Variants in SUMF1 observed in about 807,000 individuals in gnomAD.
SUMF1 encodes formylglycine-generating enzyme.
In SUMF1, 48 loss-of-function variants were observed where a neutral mutation model predicts 47.6. The observed-to-expected ratio is 1.01, with a 90% CI of 0.80 to 1.28. The LOEUF (loss-of-function observed/expected upper bound fraction) is 1.28, where lower values mean the gene tolerates loss of function less well. Among genes scored for constraint, SUMF1 ranks in the 50% most tolerant of loss-of-function variants. The pLI, the probability that SUMF1 is intolerant of heterozygous loss-of-function variation, is 0.00. For synonymous variants in SUMF1, 230 were observed against 192.1 expected (o/e 1.20, Z -1.63); for missense variants, 571 against 485.4 (o/e 1.18, Z -1.66).
intron 8 of SUMF1, among the ~76,000 whole-genome samples, chr3:4,206,437 T>G (rs974569762): frequency 6.6e-6 from 1 of 152,156 alleles, no homozygotes; most frequent in Admixed American, 6.5e-5. Flanking sequence ...GTCTAAATAC[T>G]GCCTCTGTGG....
At chr3:4,266,922 T>G (rs1256970725) in intron 8 of SUMF1, among the ~76,000 whole-genome samples, 1 of 150,740 alleles carries the variant, frequency 6.6e-6, no homozygotes, top group Non-Finnish European at 1.5e-5. Flanking sequence ...TTATTGAGAG[T>G]TTTTAGCATG....
At chr3:4,040,036 A>G (rs1446375468) in intron 9 of SUMF1, among the ~76,000 whole-genome samples, 1 of 152,160 alleles carries the variant, frequency 6.6e-6, no homozygotes, top group Non-Finnish European at 1.5e-5. Flanking sequence ...AATGTTTTGT[A>G]TACTTGAAAA....
intron 3 of SUMF1, among the ~76,000 whole-genome samples, chr3:4,427,442 A>C (rs1188219059): frequency 6.6e-6 from 1 of 152,246 alleles, no homozygotes; most frequent in Non-Finnish European, 1.5e-5. Context: ...AAGAGCACAC[A>C]GTAAAAATAT....
intron 8 of SUMF1, among the ~76,000 whole-genome samples, chr3:4,240,610 T>C (rs1447582667): frequency 6.6e-6 from 1 of 152,062 alleles, no homozygotes; most frequent in Non-Finnish European, 1.5e-5. Flanking sequence ...AAGATATTCA[T>C]CCAACACTAT....
intron 8 of SUMF1, among the ~76,000 whole-genome samples, chr3:4,092,290 A>C (rs1692804914): frequency 6.6e-6 from 1 of 152,070 alleles, no homozygotes; most frequent in Non-Finnish European, 1.5e-5. Flanking sequence ...ACTTGAAATC[A>C]CCAGAAGATC....
chr3:4,221,732 A>G (rs902912879), intron 8 of SUMF1, among the ~76,000 whole-genome samples: 4 of 152,174 alleles, frequency 2.6e-5, no homozygotes, highest in Non-Finnish European at 4.4e-5. Context: ...CATGATGTGT[A>G]AAAATCTGTG....
At chr3:4,054,455 T>C (rs1455554309) in intron 9 of SUMF1, among the ~76,000 whole-genome samples, 1 of 152,214 alleles carries the variant, frequency 6.6e-6, no homozygotes, top group Non-Finnish European at 1.5e-5. Context: ...ATTATCTTTC[T>C]TTTATTGGCT....
chr3:4,310,209 C>T (rs1049443389), intron 8 of SUMF1, among the ~76,000 whole-genome samples: 5 of 152,126 alleles, frequency 3.3e-5, no homozygotes, highest in African/African-American at 7.2e-5. Context: ...GAAGTTTAAC[C>T]GCGTGGCATG....
At chr3:4,188,530 C>T (rs992473179) in intron 8 of SUMF1, among the ~76,000 whole-genome samples, 37 of 152,134 alleles carry the variant, frequency 2.4e-4, no homozygotes, top group African/African-American at 8.9e-4. Context: ...TCATCCAGGG[C>T]AGAACTCTGG....
At chr3:4,461,456 T>C (rs1559316240) in intron 1 of SUMF1, among the ~76,000 whole-genome samples, 1 of 152,216 alleles carries the variant, frequency 6.6e-6, no homozygotes, top group Non-Finnish European at 1.5e-5. Flanking sequence ...GGCAAATACT[T>C]CCTGTTAGGA....
chr3:4,258,941 G>T (rs1400600531), intron 8 of SUMF1, among the ~76,000 whole-genome samples: 6 of 145,252 alleles, frequency 4.1e-5, no homozygotes, highest in East Asian at 3.9e-4. Context: ...CCATAAAAAA[G>T]GATGAGTTCA....
At chr3:4,389,850 A>G (rs1700798953) in intron 7 of SUMF1, among the ~76,000 whole-genome samples, 1 of 152,028 alleles carries the variant, frequency 6.6e-6, no homozygotes, top group African/African-American at 2.4e-5. Flanking sequence ...TGAAGCTTTC[A>G]ATTTTTTCAT....
chr3:4,221,751 G>A (rs1035284234), intron 8 of SUMF1, among the ~76,000 whole-genome samples: 4 of 152,086 alleles, frequency 2.6e-5, no homozygotes, highest in African/African-American at 9.7e-5. Flanking sequence ...TGAGAGGAAG[G>A]TGGATGAGAG....
intron 8 of SUMF1, among the ~76,000 whole-genome samples, chr3:4,300,940 T>C (rs974893149): frequency 6.6e-6 from 1 of 152,106 alleles, no homozygotes; most frequent in African/African-American, 2.4e-5. Context: ...AAGACTAGCA[T>C]ATAAATGTAC....
rs552570771 is a variant in SUMF1 at position 4,301,253 on chromosome 3, G to A, written c.1014+75077C>T. Among the ~76,000 whole-genome samples the A allele has an allele frequency of 8.5e-4, 130 of 152,286 alleles. 2 individuals carry two copies. The highest frequency in any genetic ancestry group is 4.3e-3 in the Admixed American group (66 of 15,292). ...AGAACAATGTGGACAAAGGCCCAGA[G>A]GCCCAAGTAGAATGGCTTTTTGAGG... On this transcript the variant is annotated intron_variant and NMD_transcript_variant, in intron 8 of 12. Coordinates refer to the SUMF1 transcript ENST00000448413.
At chr3:4,104,553 GGA>G (rs201507994) in intron 8 of SUMF1, among the ~76,000 whole-genome samples, 29 of 152,032 alleles carry the variant, frequency 1.9e-4, no homozygotes, top group African/African-American at 6.8e-4. Context: ...CAATCAGGAA[GGA>G]GAGAGAGAGG....
chr3:4,161,902 A>T (rs1007971863), intron 8 of SUMF1, among the ~76,000 whole-genome samples: 2 of 151,926 alleles, frequency 1.3e-5, no homozygotes, highest in Non-Finnish European at 2.9e-5. Context: ...CACTGCTGGA[A>T]ATGTGCTGGG....
chr3:4,093,167 C>G (rs1692824191), intron 8 of SUMF1, among the ~76,000 whole-genome samples: 1 of 152,064 alleles, frequency 6.6e-6, no homozygotes, highest in South Asian at 2.1e-4. Flanking sequence ...TTTAGAATGG[C>G]TAGCTCAGGA....
intron 8 of SUMF1, among the ~76,000 whole-genome samples, chr3:4,339,596 T>C (rs1271375449): frequency 1.3e-5 from 2 of 152,108 alleles, no homozygotes; most frequent in Non-Finnish European, 2.9e-5. Context: ...GATTTCTGCA[T>C]CAACCAGTCA....
Sources: gnomAD v4.1 joint callset for allele counts (sites outside exome capture counted in the v4.1 genomes callset) on GRCh38, gnomAD v4.1.1 for gene constraint, MANE v1.5 for transcripts, NCBI Gene and HGNC (gene_info 2026-07-23, HGNC 2026-07-21) for gene names.